Variants in TCF3 observed in about 807,000 individuals in gnomAD.
The protein encoded by TCF3 is transcription factor E2-alpha.
In TCF3, 54 loss-of-function variants were observed where a neutral mutation model predicts 72.3. The observed-to-expected ratio is 0.75, with a 90% confidence interval of 0.60 to 0.94. TCF3 has a LOEUF of 0.94. Ranked by LOEUF, TCF3 falls within the 40% of genes least tolerant of loss-of-function variation. The pLI, the probability that TCF3 is intolerant of heterozygous loss-of-function variation, is 0.00. For synonymous variants in TCF3, 525 were observed against 412.6 expected (o/e 1.27, Z -3.30); for missense variants, 1,078 against 934.4 (o/e 1.15, Z -2.00).
chr19:1,629,555 C>A (rs1293391742), intron 5 of TCF3, among the ~76,000 whole-genome samples: 1 of 151,998 alleles, frequency 6.6e-6, no homozygotes, highest in Non-Finnish European at 1.5e-5. Context: ...GCATGGAGGG[C>A]CTGGGCTACG....
rs188025273 is a variant in TCF3, at chr19:1,609,525, C to G, written c.*2182G>C. 2.3e-5 allele frequency: 5 copies of G among 214,276 alleles called. No individual in the cohort carries two copies. Among genetic ancestry groups the G allele is most frequent in the Non-Finnish European group, 3.7e-5 (4 of 107,046 alleles). The allele number at this position is 214,276 out of a possible 1,614,324, so 13.3% of individuals were successfully genotyped here. A position where few individuals can be genotyped will look rare whatever the true frequency, so the allele number is the denominator to read the frequency against. Reference sequence around the variant, plus strand: ...AGGAACTGCTGTTTCTTCCTCCTCGCGCTGGGTGAATCTCGTTTGAATTCT... The same window carrying G: ...AGGAACTGCTGTTTCTTCCTCCTCGGGCTGGGTGAATCTCGTTTGAATTCT... On this transcript the variant is annotated 3_prime_UTR_variant, in exon 19 of 19. Coordinates refer to ENST00000262965, the MANE Select transcript of TCF3 (RefSeq NM_003200.5).
At position 1,621,926 on chromosome 19, in the gene TCF3, A is replaced by T; in HGVS notation, c.867T>A (p.Ser289=). The T allele has an allele frequency of 6.2e-7, 1 of 1,605,034 alleles. No homozygotes were observed. The highest frequency in any genetic ancestry group is 8.5e-7 in the Non-Finnish European group (1 of 1,176,924). Residue 289 remains serine, a synonymous_variant, in exon 11 of 19, where the codon TCT becomes TCA. Coordinates refer to ENST00000262965, the MANE Select transcript of TCF3 (RefSeq NM_003200.5). ...HGAEVNGGLP[S]ASSFSSAPGA... is the part of the protein sequence containing the mutation. ...CGGGGGCTGAGGAGAAGGAGGATGCAGATGGGAGCCCACCGTTCACCTCTG... is the reference window on the plus strand; with the variant it reads ...CGGGGGCTGAGGAGAAGGAGGATGCTGATGGGAGCCCACCGTTCACCTCTG...
chr19:1,643,919 G>A (rs1361934176), intron 3 of TCF3, among the ~76,000 whole-genome samples: 1 of 152,192 alleles, frequency 6.6e-6, no homozygotes, highest in Non-Finnish European at 1.5e-5. Context: ...AATGCGGCTG[G>A]GGTACCCCAT....
chr19:1,645,513 G>A (rs780014212), intron 3 of TCF3, among the ~76,000 whole-genome samples: 17 of 151,090 alleles, frequency 1.1e-4, no homozygotes, highest in Non-Finnish European at 2.4e-4. Context: ...CAGGGCGTCC[G>A]TACGGGCTGC....
chr19:1,641,680 T>C (rs926117347), intron 3 of TCF3, among the ~76,000 whole-genome samples: 8 of 152,174 alleles, frequency 5.3e-5, no homozygotes, highest in African/African-American at 1.7e-4. Context: ...CTTGAACTCC[T>C]GGCCTCATGT....
intron 5 of TCF3, 122 bp downstream of exon 5, chr19:1,631,916 T>C: frequency 1.3e-6 from 2 of 1,539,484 alleles, no homozygotes; most frequent in South Asian, 1.2e-5. Flanking sequence ...AGGCTTCGGC[T>C]GTCCACACCC....
intron 18 of TCF3, chr19:1,612,182 G>C (rs776022731): frequency 6.4e-7 from 1 of 1,554,724 alleles, no homozygotes; most frequent in South Asian, 1.2e-5. Flanking sequence ...GAGGGTGCTG[G>C]GGCAGCCCTG....
intron 5 of TCF3, among the ~76,000 whole-genome samples, chr19:1,628,597 CA>C (rs768186990): frequency 1.2e-4 from 2 of 16,904 alleles, no homozygotes; most frequent in Admixed American, 8.0e-4. Flanking sequence ...GCAGAGCTCA[CA>C]GGGGGTGAGG....
Position 1,621,920 on chromosome 19 carries a change from G to A in TCF3, c.873C>T (p.Ser291=), listed in dbSNP as rs772308951. 2 of 1,603,920 alleles carry A rather than the reference G, an allele frequency of 1.2e-6. No individual in the cohort carries two copies. The highest frequency in any genetic ancestry group is 2.2e-5 in the South Asian group (2 of 89,324). ...TGGCTCCGGGGGCTGAGGAGAAGGA[G>A]GATGCAGATGGGAGCCCACCGTTCA... ...AEVNGGLPSA[S]SFSSAPGATY... is the part of the protein sequence containing the mutation. The change falls in exon 11 of 19, where the codon TCC becomes TCT. Residue 291 remains serine (S), a synonymous_variant. Transcript: ENST00000262965.
At chr19:1,621,462 T>G (rs73919276) in intron 11 of TCF3, among the ~76,000 whole-genome samples, 6 of 151,174 alleles carry the variant, frequency 4.0e-5, no homozygotes, top group Non-Finnish European at 1.5e-5. Context: ...GGTGAGTCCC[T>G]CTCTGGGCCT....
chr19:1,611,941 G>GT, intron 18 of TCF3, 92 bp from the exon 19 acceptor site: 1 of 224,704 alleles, frequency 4.5e-6, no homozygotes, highest in South Asian at 5.8e-5. Context: ...GGGGGGGGGG[G>GT]TGGGGGCAGA....
At chr19:1,635,661 A>G (rs935818593) in intron 3 of TCF3, among the ~76,000 whole-genome samples, 4 of 152,180 alleles carry the variant, frequency 2.6e-5, no homozygotes, top group Non-Finnish European at 1.5e-5. Flanking sequence ...GGATCAAAAT[A>G]TTCTCCACCT....
At chr19:1,633,044 C>G (rs1356140292) in intron 3 of TCF3, among the ~76,000 whole-genome samples, 2 of 150,786 alleles carry the variant, frequency 1.3e-5, no homozygotes, top group Non-Finnish European at 3.0e-5. Flanking sequence ...CTGCGTGGGG[C>G]AGGAGTTCCC....
At chr19:1,632,167 C>G in intron 4 of TCF3, 51 bp from the exon 5 acceptor site, 3 of 1,587,936 alleles carry the variant, frequency 1.9e-6, no homozygotes, top group Non-Finnish European at 2.6e-6. Flanking sequence ...ACAGGCCCCC[C>G]CTCCACCCCG....
intron 3 of TCF3, among the ~76,000 whole-genome samples, chr19:1,635,145 C>T (rs2064224529): frequency 1.3e-5 from 2 of 152,224 alleles, no homozygotes; most frequent in Admixed American, 1.3e-4. Flanking sequence ...GGCACACCAC[C>T]AGGTGGTCTG....
Position 1,632,026 on chromosome 19 carries a change from C to G in TCF3, c.298+12G>C. On this transcript the variant is annotated intron_variant, in intron 5 of 18. Coordinates refer to ENST00000262965, the MANE Select transcript of TCF3 (RefSeq NM_003200.5). ...TGCACAGCAGAGGGACCGCACCAGG[C>G]CAGGCACTCACCTCCGAGTCCCGGT... 1 of 1,611,834 alleles carries G rather than the reference C, an allele frequency of 6.2e-7. No individual in the cohort carries two copies. The highest frequency in any genetic ancestry group is 8.5e-7 in the Non-Finnish European group (1 of 1,179,088).
Position 1,615,142 on chromosome 19 carries a change from G to A in TCF3, c.1822+143C>T, listed in dbSNP as rs756115486. On this transcript the variant is annotated intron_variant, in intron 18 of 18. Coordinates refer to ENST00000262965, the MANE Select transcript of TCF3 (RefSeq NM_003200.5). The surrounding 1 kb of genome is among the most constrained non-coding windows in gnomAD (Gnocchi z 7.3). ...CAGTCATGGCAATGCGGTCAGAGGG[G>A]TGAAGGGCACAGTCACTGCAAGGAG... 8.6e-5 allele frequency: 86 copies of A among 999,978 alleles called. No individual in the cohort carries two copies. The East Asian group carries it at 1.4e-3, about 17-fold the overall frequency. The allele number at this position is 999,978 out of a possible 1,614,324, so 61.9% of individuals were successfully genotyped here. A position where few individuals can be genotyped will look rare whatever the true frequency, so the allele number is the denominator to read the frequency against.
intron 5 of TCF3, among the ~76,000 whole-genome samples, chr19:1,629,989 G>A (rs999988816): frequency 7.2e-5 from 11 of 152,166 alleles, no homozygotes; most frequent in Non-Finnish European, 1.6e-4. Context: ...TGAGGCCATA[G>A]GAGACTGAGG....
intron 18 of TCF3, among the ~76,000 whole-genome samples, chr19:1,613,300 T>C (rs2061228003): frequency 6.6e-6 from 1 of 152,152 alleles, no homozygotes; most frequent in South Asian, 2.1e-4. Flanking sequence ...GACTCAGCTC[T>C]AGGGGAGGCT....
Sources: gnomAD v4.1 joint callset for allele counts (sites outside exome capture counted in the v4.1 genomes callset) on GRCh38, gnomAD v4.1.1 for gene constraint, Gnocchi (gnomAD v3.1) non-coding constraint, MANE v1.5 for transcripts, NCBI Gene and HGNC (gene_info 2026-07-23, HGNC 2026-07-21) for gene names.